RARB: variants seen among roughly 807,000 people sequenced by gnomAD.
RARB encodes retinoic acid receptor beta.
A neutral mutation model predicts 51.9 loss-of-function variants in RARB; 17 were observed. The ratio of observed to expected loss-of-function variants is 0.33; its 90% CI spans 0.22 to 0.49. The LOEUF (loss-of-function observed/expected upper bound fraction) is 0.49. Ranked by LOEUF, RARB falls within the 20% of genes least tolerant of loss-of-function variation. The pLI is 0.99. For synonymous variants in RARB, 215 were observed against 195.4 expected, an observed-to-expected ratio of 1.10 and a Z score of -0.84; for missense variants, 369 against 550.8, an observed-to-expected ratio of 0.67 and a Z score of 3.30.
chr3:25,262,634 A>T (rs1703029100), intron 5 of RARB, among the ~76,000 whole-genome samples: 1 of 152,038 alleles, frequency 6.6e-6, no homozygotes, highest in Non-Finnish European at 1.5e-5. Context: ...ACACTATATC[A>T]ATCTGATCTA....
At chr3:25,595,933 A>C (rs554248729) in intron 7 of RARB, among the ~76,000 whole-genome samples, 11 of 152,318 alleles carry the variant, frequency 7.2e-5, no homozygotes, top group African/African-American at 2.2e-4. Flanking sequence ...CATCATATTT[A>C]AACGTCACCA....
At chr3:25,069,061 C>A (rs769132147) in intron 3 of RARB, among the ~76,000 whole-genome samples, 1 of 150,862 alleles carries the variant, frequency 6.6e-6, no homozygotes, top group Non-Finnish European at 1.5e-5. Context: ...ACCTCCCATA[C>A]TCATCATGGT....
intron 5 of RARB, among the ~76,000 whole-genome samples, chr3:25,323,072 T>A (rs150312355): frequency 6.6e-6 from 1 of 152,312 alleles, no homozygotes; most frequent in African/African-American, 2.4e-5. Context: ...TGGTCCTATC[T>A]GTTGGCAGGT....
At chr3:25,505,942 G>A (rs1697564843) in intron 3 of RARB, among the ~76,000 whole-genome samples, 2 of 152,160 alleles carry the variant, frequency 1.3e-5, no homozygotes, top group South Asian at 4.1e-4. Flanking sequence ...ATAGCTAATG[G>A]TCCATGATGG....
At chr3:24,889,268 A>G (rs1263959868) in intron 2 of RARB, among the ~76,000 whole-genome samples, 2 of 152,102 alleles carry the variant, frequency 1.3e-5, no homozygotes, top group Non-Finnish European at 2.9e-5. Context: ...TTCCTTGACT[A>G]AGTCATCCTG....
In RARB at chr3:25,553,091, TA is replaced by T. The variant is rs1293068771; in HGVS notation, c.449-16664del. Among the ~76,000 whole-genome samples, 8 of 151,868 alleles carry T rather than the reference TA, an allele frequency of 5.3e-5. No homozygotes were observed. In the East Asian group the frequency reaches 1.5e-3, roughly 29 times the overall value. On this transcript the variant is annotated intron_variant, in intron 3 of 7. Transcript: ENST00000330688. ...GAATACTATGAAATGCATGAGGAGT[TA>T]AAGTACTTACATATTCAAAATTTTA...
chr3:25,556,885 T>C (rs1318581202), intron 3 of RARB, among the ~76,000 whole-genome samples: 1 of 152,238 alleles, frequency 6.6e-6, no homozygotes, highest in Non-Finnish European at 1.5e-5. Flanking sequence ...TTGGCAATTA[T>C]GAGTTTGAAT....
intron 5 of RARB, among the ~76,000 whole-genome samples, chr3:25,272,189 T>C (rs1163025254): frequency 6.6e-6 from 1 of 152,224 alleles, no homozygotes; most frequent in African/African-American, 2.4e-5. Context: ...AAAAACTGAA[T>C]ATGCTTCCTT....
In RARB at chr3:25,215,121, G is replaced by C. The variant is rs115372916; in HGVS notation, c.178+40546G>C. Among the ~76,000 whole-genome samples the C allele has an allele frequency of 2.2e-4, 33 of 152,148 alleles. 2 individuals carry two copies. The South Asian group carries it at 6.9e-3, about 32-fold the overall frequency. On this transcript the variant is annotated intron_variant, in intron 5 of 11. Transcript: ENST00000383772. ...GTTGTTCTTAATCCCAACTGTACAC[G>C]GACTCACCTGGGGCCCAAGTGTCAG... is the stretch of plus-strand genomic sequence containing the variant.
intron 3 of RARB, among the ~76,000 whole-genome samples, chr3:25,539,213 G>C (rs886725838): frequency 2.6e-5 from 4 of 152,164 alleles, no homozygotes; most frequent in African/African-American, 9.7e-5. Context: ...CAGCTACCTG[G>C]CAATGATCCT....
At chr3:25,235,459 C>A (rs778494083) in intron 5 of RARB, among the ~76,000 whole-genome samples, 5 of 152,178 alleles carry the variant, frequency 3.3e-5, no homozygotes, top group Non-Finnish European at 7.3e-5. Flanking sequence ...TCTGTCTCCT[C>A]ACCAAAAGGA....
At chr3:25,475,150 T>G (rs542387848) in intron 2 of RARB, among the ~76,000 whole-genome samples, 3 of 152,190 alleles carry the variant, frequency 2.0e-5, no homozygotes, top group Non-Finnish European at 4.4e-5. Flanking sequence ...TCCCAGACTT[T>G]GGTGGTTTAA....
intron 5 of RARB, among the ~76,000 whole-genome samples, chr3:25,397,733 A>G (rs931366745): frequency 1.3e-5 from 2 of 152,098 alleles, no homozygotes; most frequent in African/African-American, 2.4e-5. Context: ...TTCCATGTCC[A>G]TGGTCAGGAA....
intron 5 of RARB, among the ~76,000 whole-genome samples, chr3:25,304,916 A>G (rs1339679005): frequency 6.6e-6 from 1 of 152,212 alleles, no homozygotes; most frequent in Non-Finnish European, 1.5e-5. Flanking sequence ...TTATAATAAT[A>G]ACAGCATTTA....
chr3:25,376,421 A>T (rs1706460861), intron 5 of RARB, among the ~76,000 whole-genome samples: 1 of 152,206 alleles, frequency 6.6e-6, no homozygotes, highest in Admixed American at 6.5e-5. Context: ...TGTCTCCCTG[A>T]GTAATTACCA....
intron 2 of RARB, among the ~76,000 whole-genome samples, chr3:24,888,376 G>T (rs1316964524): frequency 6.6e-6 from 1 of 151,992 alleles, no homozygotes; most frequent in Non-Finnish European, 1.5e-5. Context: ...TAGGAGCCGG[G>T]ATTTGAACCT....
chr3:25,571,501 C>G (rs942203206), intron 4 of RARB, among the ~76,000 whole-genome samples: 1 of 152,200 alleles, frequency 6.6e-6, no homozygotes, highest in Non-Finnish European at 1.5e-5. Context: ...GAGGGAGAGT[C>G]TCGGCTTAAC....
At chr3:25,559,612 A>G (rs1700193586) in intron 3 of RARB, among the ~76,000 whole-genome samples, 1 of 152,254 alleles carries the variant, frequency 6.6e-6, no homozygotes, top group South Asian at 2.1e-4. Context: ...TAAGTGCTCA[A>G]TAACTATTTG....
intron 2 of RARB, among the ~76,000 whole-genome samples, chr3:24,923,674 A>G (rs1040229159): frequency 6.6e-6 from 1 of 152,154 alleles, no homozygotes; most frequent in African/African-American, 2.4e-5. Flanking sequence ...CTTAAAGAGG[A>G]CTGTTTAATC....
Sources: allele counts gnomAD v4.1 joint callset (sites outside exome capture counted in the v4.1 genomes callset), GRCh38; gene constraint gnomAD v4.1.1; transcripts MANE v1.5; gene names NCBI Gene and HGNC (gene_info 2026-07-23, HGNC 2026-07-21).